ANGPTL1: variants seen among roughly 807,000 people sequenced by gnomAD.
ANGPTL1 encodes angiopoietin-related protein 1.
ANGPTL1 carries 36 observed loss-of-function variants against 46.7 expected under a neutral mutation model. The observed-to-expected ratio is 0.77, with a 90% CI of 0.59 to 1.02. The LOEUF (loss-of-function observed/expected upper bound fraction) is 1.02. Ranked by LOEUF, ANGPTL1 falls within the 50% of genes least tolerant of loss-of-function variation. The pLI, the probability that ANGPTL1 is intolerant of heterozygous loss-of-function variation, is 0.00. For missense variants in ANGPTL1, 571 were observed against 594.7 expected, an observed-to-expected ratio of 0.96 and a Z score of 0.41; for synonymous variants, 221 against 204.3, an observed-to-expected ratio of 1.08 and a Z score of -0.69.
intron 4 of ANGPTL1, 70 bp from the exon 5 acceptor site, chr1:178,853,023 G>A (rs1210511322): frequency 6.6e-7 from 1 of 1,519,776 alleles, no homozygotes; most frequent in African/African-American, 1.4e-5. Context: ...ACAGAGCAGT[G>A]TTAAACATTC....
chr1:178,858,812 A>AC (rs780492045), intron 3 of ANGPTL1, among the ~76,000 whole-genome samples: 10 of 152,336 alleles, frequency 6.6e-5, no homozygotes, highest in Non-Finnish European at 1.2e-4. Context: ...TAGCAGCTTT[A>AC]CTGGGAGCCA....
chr1:178,863,199 A>C (rs146453351), intron 3 of ANGPTL1, among the ~76,000 whole-genome samples: 1 of 152,284 alleles, frequency 6.6e-6, no homozygotes, highest in Non-Finnish European at 1.5e-5. Flanking sequence ...CATGCACACA[A>C]GAGACCAAAA....
chr1:178,851,977 G>A (rs185541232), intron 5 of ANGPTL1, among the ~76,000 whole-genome samples: 89 of 152,246 alleles, frequency 5.8e-4, no homozygotes, highest in African/African-American at 2.1e-3. Flanking sequence ...TTGAAATTAT[G>A]TGGATGGTCT....
intron 3 of ANGPTL1, among the ~76,000 whole-genome samples, chr1:178,856,198 G>GATAT (rs1232946834): frequency 1.3e-3 from 60 of 47,230 alleles, no homozygotes; most frequent in African/African-American, 3.2e-3. Flanking sequence ...TCCAGAGAGA[G>GATAT]AGAGATATAT....
chr1:178,852,807 C>G lies in ANGPTL1; in HGVS notation c.1164G>C (p.Leu388=), dbSNP rs370931833. Residue 388 remains leucine (L), a synonymous_variant, in exon 5 of 6, where the codon CTG becomes CTC. Transcript: ENST00000234816. ...GTCTATAGAATTCACTTTCAGGTTC[C>G]AGACGAAAGCTGCTGTATTCTGCAT... The part of the protein sequence containing the change: ...KVYAEYSSFR[L]EPESEFYRLR... The G allele has an allele frequency of 3.1e-6, 5 of 1,613,778 alleles. No individual in the cohort carries two copies. The African/African-American group carries it at 6.7e-5, about 22-fold the overall frequency.
At position 178,850,674 on chromosome 1, in the gene ANGPTL1, A is replaced by G. The variant is rs756616927; in HGVS notation, c.*455T>C. The G allele has an allele frequency of 1.3e-5, 2 of 152,460 alleles. No individual in the cohort carries two copies. The highest frequency in any genetic ancestry group is 2.9e-5 in the Non-Finnish European group (2 of 68,216). The allele number at this position is 152,460 out of a possible 1,614,324, so 9.4% of individuals were successfully genotyped here. A position where few individuals can be genotyped will look rare whatever the true frequency, so the allele number is the denominator to read the frequency against. ...ATGGAAGAAGCATTTTCTATTGGCA[A>G]AACTAGAGGTTTCTCCCTAATTTTC... On this transcript the variant is annotated 3_prime_UTR_variant, in exon 6 of 6. Coordinates refer to ENST00000234816, the MANE Select transcript of ANGPTL1 (RefSeq NM_004673.4).
intron 3 of ANGPTL1, among the ~76,000 whole-genome samples, chr1:178,857,113 ATTTC>A (rs1043310589): frequency 6.6e-6 from 1 of 152,182 alleles, no homozygotes; most frequent in Non-Finnish European, 1.5e-5. Flanking sequence ...CAGAATTTTA[ATTTC>A]TTATGTGGGA....
intron 1 of ANGPTL1, among the ~76,000 whole-genome samples, chr1:178,870,527 C>A (rs1340780076): frequency 6.6e-6 from 1 of 152,170 alleles, no homozygotes; most frequent in South Asian, 2.1e-4. Context: ...CACTAAACAT[C>A]ATTAAATTGA....
intron 2 of ANGPTL1, among the ~76,000 whole-genome samples, chr1:178,866,464 C>A (rs1053836902): frequency 6.6e-6 from 1 of 152,086 alleles, no homozygotes; most frequent in African/African-American, 2.4e-5. Flanking sequence ...ATAGAATGCT[C>A]ACAGTCATTG....
intron 3 of ANGPTL1, among the ~76,000 whole-genome samples, chr1:178,859,579 G>A (rs1474709593): frequency 4.1e-5 from 6 of 147,872 alleles, no homozygotes; most frequent in African/African-American, 1.5e-4. Flanking sequence ...AACTTTTTAA[G>A]CTTACCATTT....
At chr1:178,858,566 A>G (rs533588437) in intron 3 of ANGPTL1, among the ~76,000 whole-genome samples, 35 of 152,198 alleles carry the variant, frequency 2.3e-4, no homozygotes, top group Non-Finnish European at 4.3e-4. Flanking sequence ...AGTCTTCTCA[A>G]AGCAGGCAAC....
At chr1:178,854,082 T>C (rs1657368985) in intron 3 of ANGPTL1, among the ~76,000 whole-genome samples, 1 of 152,142 alleles carries the variant, frequency 6.6e-6, no homozygotes, top group Admixed American at 6.6e-5. Flanking sequence ...GCAGCTATAG[T>C]CTCCATTCTA....
In ANGPTL1 at chr1:178,851,301, A is replaced by G; in HGVS notation, c.1304T>C (p.Phe435Ser). ...ATTGTACCACCAGCCTCCTTTATGA[A>G]AGTGGGCGCAGTTTCCTTTGAGGAA... ...KDMYAGNCAH[F>S]HKGGWWYNAC... The change falls in exon 6 of 6, where the codon TTT (phenylalanine) becomes TCT (serine). Residue 435 changes from phenylalanine to serine, a missense_variant. Transcript: ENST00000234816. 2.5e-6 allele frequency: 4 copies of G among 1,609,620 alleles called. No individual in the cohort carries two copies. Among genetic ancestry groups the G allele is most frequent in the Non-Finnish European group, 3.4e-6 (4 of 1,178,268 alleles).
intron 3 of ANGPTL1, among the ~76,000 whole-genome samples, chr1:178,856,987 C>A (rs1657631013): frequency 6.6e-6 from 1 of 152,118 alleles, no homozygotes; most frequent in South Asian, 2.1e-4. Flanking sequence ...TGTTTTGCTA[C>A]CACTATTCTC....
chr1:178,854,804 A>C (rs534208267), intron 3 of ANGPTL1, among the ~76,000 whole-genome samples: 1 of 152,188 alleles, frequency 6.6e-6, no homozygotes, highest in East Asian at 1.9e-4. Flanking sequence ...TCCATTTTTA[A>C]TCCACTAATA....
rs1485220283 is a variant in ANGPTL1, at chr1:178,851,116, C to T, written c.*13G>A. 11 of 1,605,636 alleles carry T rather than the reference C, an allele frequency of 6.9e-6. No individual in the cohort carries two copies. The highest frequency in any genetic ancestry group is 5.4e-5 in the African/African-American group (4 of 74,504). ...CAAAGTTCTGTGTCATTTAAATTGG[C>T]GAGTGTCTCTCTTCAGTCAATAGGC... On this transcript the variant is annotated 3_prime_UTR_variant, in exon 6 of 6. Coordinates refer to ENST00000234816, the MANE Select transcript of ANGPTL1 (RefSeq NM_004673.4).
chr1:178,851,177 C>T lies in ANGPTL1; in HGVS notation c.1428G>A (p.Gly476=), dbSNP rs1183002568. ...TCTGAACTGCTCTTAAGGAGTATGA[C>T]CCGCCTCTGTATTCGGCCCAGAAAA... ...DGIFWAEYRG[G]SYSLRAVQMM... is the part of the protein sequence containing the mutation. The change falls in exon 6 of 6, where the codon GGG becomes GGA. Residue 476 remains glycine, a synonymous_variant. Transcript: ENST00000234816. The T allele has an allele frequency of 6.2e-7, 1 of 1,613,898 alleles. No individual in the cohort carries two copies. Among genetic ancestry groups the T allele is most frequent in the South Asian group, 1.1e-5 (1 of 91,068 alleles).
intron 3 of ANGPTL1, among the ~76,000 whole-genome samples, chr1:178,863,286 G>A (rs567849914): frequency 6.6e-6 from 1 of 152,306 alleles, no homozygotes; most frequent in Non-Finnish European, 1.5e-5. Context: ...AGCTTATTTG[G>A]AAATGGATGA....
At chr1:178,857,576 C>A (rs556841811) in intron 3 of ANGPTL1, among the ~76,000 whole-genome samples, 5 of 152,186 alleles carry the variant, frequency 3.3e-5, no homozygotes, top group African/African-American at 1.2e-4. Flanking sequence ...TACTTTAAAA[C>A]CTATTAGTAT....
Sources: gnomAD v4.1 joint callset for allele counts (sites outside exome capture counted in the v4.1 genomes callset) on GRCh38, gnomAD v4.1.1 for gene constraint, MANE v1.5 for transcripts, NCBI Gene and HGNC (gene_info 2026-07-23, HGNC 2026-07-21) for gene names.